PHF23: variants seen among roughly 807,000 people sequenced by gnomAD.
PHF23 encodes the protein PHD finger protein 23, also known as PDH-containing protein JUNE-1.
A neutral mutation model predicts 36.0 loss-of-function variants in PHF23; 3 were observed. The observed-to-expected ratio is 0.08, with a 90% CI of 0.04 to 0.22. The LOEUF (loss-of-function observed/expected upper bound fraction) is 0.22, where lower values mean the gene tolerates loss of function less well. Among genes scored for constraint, PHF23 ranks in the 10% least tolerant of loss-of-function variants. PHF23 has a pLI of 1.00. For missense variants in PHF23, 475 were observed against 513.6 expected (o/e 0.92, Z 0.73); for synonymous variants, 242 against 192.5 (o/e 1.26, Z -2.13).
rs2071707903 is a variant in PHF23, at chr17:7,237,933, C to T, written c.35-273G>A. 6.0e-6 allele frequency: 3 copies of T among 500,942 alleles called. No homozygotes were observed. The Admixed American group carries it at 1.0e-4, about 17-fold the overall frequency. 31.0% of individuals were successfully genotyped at this position (500,942 alleles called of 1,614,324 possible). A position where few individuals can be genotyped will look rare whatever the true frequency, so the allele number is the denominator to read the frequency against. ...CGCCCCCCCAACTCACGGTCTCTCT[C>T]GACTCCAGTCTACTCGGATCCCTCA... is the stretch of plus-strand genomic sequence containing the variant. On this transcript the variant is annotated intron_variant, in intron 1 of 4. Transcript: ENST00000320316.
Position 7,236,176 on chromosome 17 carries a change from C to G in PHF23, c.751G>C (p.Glu251Gln), listed in dbSNP as rs762945945. Residue 251 changes from glutamate to glutamine, a missense_variant, in exon 4 of 5, where the codon GAG (glutamate) becomes CAG (glutamine). Transcript: ENST00000320316. This position sits in a 1 kb window ranked among gnomAD's most constrained non-coding sequence, Gnocchi z 5.1. ...PPSDTDSEEE[E>Q]EEEEEEEEEE... ...TCTTCTTCCTCTTCCTCCTCTTCCT[C>G]CTCCTCTTCAGAGTCTGTATCACTG... 1 of 1,611,758 alleles carries G rather than the reference C, an allele frequency of 6.2e-7. No individual in the cohort carries two copies. Among genetic ancestry groups the G allele is most frequent in the African/African-American group, 1.3e-5 (1 of 75,022 alleles).
intron 2 of PHF23, 34 bp from the exon 3 acceptor site, chr17:7,237,511 C>T (rs752167977): frequency 6.2e-7 from 1 of 1,609,008 alleles, no homozygotes; most frequent in Non-Finnish European, 8.5e-7. Context: ...ACATGCAAAG[C>T]CACACAGTTT....
chr17:7,239,571 C>A, upstream of PHF23: 1 of 337,468 alleles, frequency 3.0e-6, no homozygotes, highest in South Asian at 3.4e-5. Flanking sequence ...CCGCCGGCGC[C>A]GAGGCGCAGT....
chr17:7,240,795 A>AG (rs529522195), upstream of PHF23: 63 of 1,164,358 alleles, frequency 5.4e-5, no homozygotes, highest in South Asian at 2.9e-4. Flanking sequence ...AGGTCAAGAA[A>AG]GGGGGGCCAC....
chr17:7,236,935 T>C lies in PHF23; in HGVS notation c.160-168A>G, dbSNP rs928160075. Reference sequence around the variant, plus strand: ...CTCCCCACCCCAATTCCCATCAGCATGTCCTCTTGACCAGTCCGTGTTACC... The same window carrying C: ...CTCCCCACCCCAATTCCCATCAGCACGTCCTCTTGACCAGTCCGTGTTACC... On this transcript the variant is annotated intron_variant, in intron 3 of 4. Coordinates refer to ENST00000320316, the MANE Select transcript of PHF23 (RefSeq NM_024297.3). This position sits in a 1 kb window ranked among gnomAD's most constrained non-coding sequence, Gnocchi z 5.1. Among the ~76,000 whole-genome samples the C allele has an allele frequency of 1.3e-5, 2 of 152,142 alleles. No individual in the cohort carries two copies. The highest frequency in any genetic ancestry group is 2.9e-5 in the Non-Finnish European group (2 of 68,022).
In PHF23 at chr17:7,237,648, G is replaced by T. The variant is rs752162300; in HGVS notation, c.47C>A (p.Thr16Asn). 1 of 1,613,826 alleles carries T rather than the reference G, an allele frequency of 6.2e-7. No individual in the cohort carries two copies. The highest frequency in any genetic ancestry group is 1.7e-5 in the Admixed American group (1 of 59,994). ...CCTCACCTGAGTCTCTGGCTTAAGGGTCGGAGGTGGATCTGGAAAAGCAAT... is the reference window on the plus strand; with the variant it reads ...CCTCACCTGAGTCTCTGGCTTAAGGTTCGGAGGTGGATCTGGAAAAGCAAT... ...AEPSPEDPPPTLKPETQPPEK... is the reference protein window; with the variant it reads ...AEPSPEDPPPNLKPETQPPEK... The change falls in exon 2 of 5, where the codon ACC (threonine) becomes AAC (asparagine). Residue 16 changes from threonine to asparagine, a missense_variant. Coordinates refer to ENST00000320316, the MANE Select transcript of PHF23 (RefSeq NM_024297.3).
intron 2 of PHF23, 46 bp downstream of exon 2, chr17:7,237,583 G>A (rs749041845): frequency 5.0e-6 from 8 of 1,612,366 alleles, no homozygotes; most frequent in South Asian, 1.1e-5. Context: ...GGCGGGGGGC[G>A]TTGTCAGGCA....
upstream of PHF23, chr17:7,239,460 C>T: frequency 2.2e-6 from 1 of 448,706 alleles, no homozygotes; most frequent in Admixed American, 4.1e-5. Flanking sequence ...CCCGCACTCC[C>T]GGACCGGGCC....
At chr17:7,239,912 T>C (rs1427968999), upstream of PHF23, 2 of 152,288 alleles carry the variant, frequency 1.3e-5, no homozygotes, top group Non-Finnish European at 2.9e-5. Flanking sequence ...GGAGTTGAAG[T>C]ATTCCTGGCG....
chr17:7,239,429 C>T lies in PHF23; in HGVS notation c.-150G>A. The T allele has an allele frequency of 4.1e-6, 2 of 487,602 alleles. No homozygotes were observed. Among genetic ancestry groups the T allele is most frequent in the Middle Eastern group, 4.0e-4 (1 of 2,488 alleles). 30.2% of individuals were successfully genotyped at this position (487,602 alleles called of 1,614,324 possible). On this transcript the variant is annotated 5_prime_UTR_variant, in exon 1 of 5. Coordinates refer to ENST00000320316, the MANE Select transcript of PHF23 (RefSeq NM_024297.3). ...ACTCGAGTCCGCTAGCCGCTGCCGC[C>T]ACCTCCCTCTACCACTGCCTCCCGC...
Position 7,236,185 on chromosome 17 carries a change from CAG to C in PHF23, c.740_741del (p.Ser247Ter). The C allele has an allele frequency of 1.2e-6, 2 of 1,612,258 alleles. No individual in the cohort carries two copies. Among genetic ancestry groups the C allele is most frequent in the Non-Finnish European group, 8.5e-7 (1 of 1,179,050 alleles). ...PPQAPPSDTD[S>X]EEEEEEEEEE... ...TCTTCCTCCTCTTCCTCCTCCTCTT[CAG>C]AGTCTGTATCACTGGGGGGTGCCTG... On this transcript the variant is annotated frameshift_variant, in exon 4 of 5. Coordinates refer to ENST00000320316, the MANE Select transcript of PHF23 (RefSeq NM_024297.3). LOFTEE classifies it high-confidence loss of function. The surrounding 1 kb of genome is among the most constrained non-coding windows in gnomAD (Gnocchi z 5.1).
intron 2 of PHF23, 71 bp from the exon 3 acceptor site, chr17:7,237,548 C>G: frequency 6.2e-7 from 1 of 1,606,888 alleles, no homozygotes; most frequent in Non-Finnish European, 8.5e-7. Flanking sequence ...GAAACACAGT[C>G]CCTAAGTGAG....
rs1403981728 is a variant in PHF23 at position 7,237,934 on chromosome 17, G to C, written c.35-274C>G. 6.2e-5 allele frequency: 28 copies of C among 449,474 alleles called. No individual in the cohort carries two copies. In the East Asian group the frequency reaches 1.0e-3, roughly 17 times the overall value. The allele number at this position is 449,474 out of a possible 1,614,324, so 27.8% of individuals were successfully genotyped here. On this transcript the variant is annotated intron_variant, in intron 1 of 4. Coordinates refer to ENST00000320316, the MANE Select transcript of PHF23 (RefSeq NM_024297.3). Reference sequence around the variant, plus strand: ...GCCCCCCCAACTCACGGTCTCTCTCGACTCCAGTCTACTCGGATCCCTCAG... The same window carrying C: ...GCCCCCCCAACTCACGGTCTCTCTCCACTCCAGTCTACTCGGATCCCTCAG...
At position 7,235,672 on chromosome 17, in the gene PHF23, G is replaced by A; in HGVS notation, c.1166C>T (p.Pro389Leu). ...FYCQKCKELR[P>L]EARRLGGPPK... ...AGGCCCCCCTAACCGCCGGGCCTCT[G>A]GCCTCAGTTCCTTGCATTTCTGGCA... Residue 389 changes from proline (P) to leucine (L), a missense_variant, in exon 5 of 5, where the codon CCA (proline) becomes CTA (leucine). Physicochemically the swap from Pro to Leu is moderately conservative, Grantham distance 98. Coordinates refer to ENST00000320316, the MANE Select transcript of PHF23 (RefSeq NM_024297.3). The A allele has an allele frequency of 6.2e-7, 1 of 1,614,142 alleles. No homozygotes were observed. Among genetic ancestry groups the A allele is most frequent in the Non-Finnish European group, 8.5e-7 (1 of 1,180,032 alleles).
At chr17:7,239,905 G>A (rs1012884162), upstream of PHF23, 13 of 152,338 alleles carry the variant, frequency 8.5e-5, no homozygotes, top group African/African-American at 3.1e-4. Context: ...ATTGCTGGGA[G>A]TTGAAGTATT....
In PHF23 at chr17:7,236,432, G is replaced by T; in HGVS notation, c.495C>A (p.Thr165=). Residue 165 remains threonine (T), a synonymous_variant, in exon 4 of 5, where the codon ACC becomes ACA. Transcript: ENST00000320316. This position sits in a 1 kb window ranked among gnomAD's most constrained non-coding sequence, Gnocchi z 5.1. ...THTSRPPAAL[T]PVPLSQGDLS... ...GGTCCCCCTGGGAAAGGGGCACGGG[G>T]GTAAGAGCAGCAGGGGGCCGGGAGG... 1 of 1,613,734 alleles carries T rather than the reference G, an allele frequency of 6.2e-7. No individual in the cohort carries two copies. The highest frequency in any genetic ancestry group is 8.5e-7 in the Non-Finnish European group (1 of 1,179,942).
Position 7,235,707 on chromosome 17 carries a change from G to A in PHF23, c.1131C>T (p.Asp377=). The A allele has an allele frequency of 6.2e-7, 1 of 1,614,202 alleles. No homozygotes were observed. Among genetic ancestry groups the A allele is most frequent in the Non-Finnish European group, 8.5e-7 (1 of 1,180,046 alleles). The change falls in exon 5 of 5, where the codon GAC becomes GAT. Residue 377 remains aspartate, a synonymous_variant. Transcript: ENST00000320316. The part of the protein sequence containing the change: ...CAKIKKTNVP[D]FFYCQKCKEL... ...CCTTGCATTTCTGGCAATAAAAGAA[G>A]TCGGGGACGTTGGTCTTCTTAATCT...
At position 7,236,209 on chromosome 17, in the gene PHF23, C is replaced by G. The variant is rs1334368918; in HGVS notation, c.718G>C (p.Ala240Pro). Reference sequence around the variant, plus strand: ...TCAGAGTCTGTATCACTGGGGGGTGCCTGGGGAGGCCCAGGAGGTGGGAGT... The same window carrying G: ...TCAGAGTCTGTATCACTGGGGGGTGGCTGGGGAGGCCCAGGAGGTGGGAGT... ...DRLPPPGPPQ[A>P]PPSDTDSEEE... The change falls in exon 4 of 5, where the codon GCA becomes CCA. Residue 240 changes from alanine to proline, a missense_variant. Ala to Pro is a conservative substitution (Grantham distance 27). This residue lies in a region of PHF23 where 350 missense variants were observed against 319.8 expected (regional missense o/e 1.09). Coordinates refer to ENST00000320316, the MANE Select transcript of PHF23 (RefSeq NM_024297.3). This position sits in a 1 kb window ranked among gnomAD's most constrained non-coding sequence, Gnocchi z 5.1. 3 of 1,612,824 alleles carry G rather than the reference C, an allele frequency of 1.9e-6. No homozygotes were observed. Among genetic ancestry groups the G allele is most frequent in the Non-Finnish European group, 2.5e-6 (3 of 1,179,382 alleles).
rs764590031 is a variant in PHF23 at position 7,236,317 on chromosome 17, G to C, written c.610C>G (p.Pro204Ala). 6.2e-7 allele frequency: 1 copy of C among 1,614,074 alleles called. No homozygotes were observed. Among genetic ancestry groups the C allele is most frequent in the Admixed American group, 1.7e-5 (1 of 60,018 alleles). The change falls in exon 4 of 5, where the codon CCA becomes GCA. Residue 204 changes from proline to alanine, a missense_variant. Pro to Ala is a conservative substitution (Grantham distance 27). Transcript: ENST00000320316. This position sits in a 1 kb window ranked among gnomAD's most constrained non-coding sequence, Gnocchi z 5.1. ...CTCTTTTCCCCATCCCCAGGAGTTG[G>C]CCGAGGCCTCCGAAGCACCCCAAAG... is the stretch of plus-strand genomic sequence containing the variant. The part of the protein sequence containing the change: ...AGFGVLRRPR[P>A]TPGDGEKRSR...
Sources: allele counts gnomAD v4.1 joint callset (sites outside exome capture counted in the v4.1 genomes callset), GRCh38; gene constraint gnomAD v4.1.1; regional missense constraint gnomAD v4.1.1; non-coding constraint Gnocchi (gnomAD v3.1); transcripts MANE v1.5; gene names NCBI Gene and HGNC (gene_info 2026-07-23, HGNC 2026-07-21).